Variants in PITPNC1 observed in about 807,000 individuals in gnomAD.
PITPNC1 encodes cytoplasmic phosphatidylinositol transfer protein 1.
Under a neutral mutation model 44.7 loss-of-function variants are expected in PITPNC1, and 18 were observed. The ratio of observed to expected loss-of-function variants is 0.40; its 90% CI spans 0.28 to 0.60. The LOEUF is 0.60. Ranked by LOEUF, PITPNC1 falls within the 20% of genes least tolerant of loss-of-function variation. PITPNC1 has a pLI of 0.39. For missense variants in PITPNC1, 290 were observed against 418.4 expected, an observed-to-expected ratio of 0.69 and a Z score of 2.68; for synonymous variants, 141 against 149.6, an observed-to-expected ratio of 0.94 and a Z score of 0.42.
At chr17:67,575,025 A>G (rs2041119779) in intron 4 of PITPNC1, among the ~76,000 whole-genome samples, 1 of 151,980 alleles carries the variant, frequency 6.6e-6, no homozygotes, top group South Asian at 2.1e-4. Context: ...GCTAAAATTC[A>G]TGTGTTGGGC....
chr17:67,424,085 CAAAAAAAAAAAA>C (rs71139144), intron 1 of PITPNC1, among the ~76,000 whole-genome samples: 1 of 76,120 alleles, frequency 1.3e-5, no homozygotes, highest in African/African-American at 5.1e-5. Flanking sequence ...GAGACTGTCT[CAAAAAAAAAAAA>C]AAAAAAAAAA....
intron 1 of PITPNC1, among the ~76,000 whole-genome samples, chr17:67,499,703 T>C (rs762518659): frequency 6.6e-6 from 1 of 152,238 alleles, no homozygotes; most frequent in Non-Finnish European, 1.5e-5. Flanking sequence ...ACTGTACCTT[T>C]TCTGTGTTTA....
chr17:67,577,120 C>T (rs1204566387), intron 4 of PITPNC1, among the ~76,000 whole-genome samples: 1 of 151,244 alleles, frequency 6.6e-6, no homozygotes, highest in South Asian at 2.1e-4. Flanking sequence ...TTGCCTTTAC[C>T]AAAAAAATTT....
At chr17:67,504,950 C>T (rs140197768) in intron 1 of PITPNC1, among the ~76,000 whole-genome samples, 114 of 152,306 alleles carry the variant, frequency 7.5e-4, no homozygotes, top group African/African-American at 2.7e-3. Flanking sequence ...CATTTCTAAT[C>T]ATCTCAAATT....
chr17:67,466,609 A>T (rs756726894), intron 1 of PITPNC1, among the ~76,000 whole-genome samples: 23 of 152,296 alleles, frequency 1.5e-4, no homozygotes, highest in Middle Eastern at 3.4e-3. Flanking sequence ...CCCACTTCAA[A>T]GTACCCCTCT....
chr17:67,402,865 C>T (rs1017143161), intron 1 of PITPNC1, among the ~76,000 whole-genome samples: 2 of 152,214 alleles, frequency 1.3e-5, no homozygotes, highest in Non-Finnish European at 2.9e-5. Flanking sequence ...CAGAGTTTCA[C>T]CATGTTGGCC....
chr17:67,575,674 A>C (rs2041131088), intron 4 of PITPNC1, among the ~76,000 whole-genome samples: 1 of 152,098 alleles, frequency 6.6e-6, no homozygotes, highest in Admixed American at 6.5e-5. Flanking sequence ...CAGGTTGAGC[A>C]TGCCTCAGCA....
chr17:67,401,791 C>T (rs1259206908), intron 1 of PITPNC1, among the ~76,000 whole-genome samples: 3 of 151,538 alleles, frequency 2.0e-5, no homozygotes, highest in South Asian at 2.1e-4. Flanking sequence ...TGCAGTTAGC[C>T]GGGATTGCGC....
intron 1 of PITPNC1, among the ~76,000 whole-genome samples, chr17:67,511,288 A>G (rs2040181469): frequency 6.6e-6 from 1 of 152,344 alleles, no homozygotes; most frequent in Middle Eastern, 3.4e-3. Context: ...GTTATTGCAT[A>G]TAATGTAGAC....
At chr17:67,462,794 C>T (rs11650381) in intron 1 of PITPNC1, among the ~76,000 whole-genome samples, 1 of 150,870 alleles carries the variant, frequency 6.6e-6, no homozygotes, top group Non-Finnish European at 1.5e-5. Flanking sequence ...CCTCCGCCTC[C>T]TGGGTTCAAG....
chr17:67,489,358 C>T (rs1250019663), intron 1 of PITPNC1, among the ~76,000 whole-genome samples: 1 of 152,142 alleles, frequency 6.6e-6, no homozygotes, highest in Non-Finnish European at 1.5e-5. Flanking sequence ...GATGAACCCC[C>T]AAAAGCACAG....
At chr17:67,477,762 G>A (rs955805675) in intron 1 of PITPNC1, among the ~76,000 whole-genome samples, 10 of 152,076 alleles carry the variant, frequency 6.6e-5, no homozygotes, top group Admixed American at 3.9e-4. Context: ...GGCCTCCATC[G>A]AGGGCCCTGG....
At chr17:67,576,974 A>G (rs1419379787) in intron 4 of PITPNC1, among the ~76,000 whole-genome samples, 1 of 152,238 alleles carries the variant, frequency 6.6e-6, no homozygotes, top group East Asian at 1.9e-4. Flanking sequence ...TGACTTATCC[A>G]AATTACATAT....
At chr17:67,490,945 A>G (rs1044160654) in intron 1 of PITPNC1, among the ~76,000 whole-genome samples, 1 of 152,240 alleles carries the variant, frequency 6.6e-6, no homozygotes, top group Admixed American at 6.5e-5. Flanking sequence ...AGGAATGTGA[A>G]TGGCTGAGGT....
intron 1 of PITPNC1, among the ~76,000 whole-genome samples, chr17:67,522,158 G>A (rs1477940647): frequency 6.6e-6 from 1 of 152,070 alleles, no homozygotes; most frequent in Admixed American, 6.6e-5. Context: ...ACAAAAATTA[G>A]CCGGGCGTGG....
chr17:67,525,276 C>G (rs1351774874), intron 1 of PITPNC1: 1 of 152,152 alleles, frequency 6.6e-6, no homozygotes, highest in Admixed American at 6.5e-5. Flanking sequence ...TGGAATAGAA[C>G]AACGGTCTGC....
chr17:67,468,971 C>T (rs1001981935), intron 1 of PITPNC1, among the ~76,000 whole-genome samples: 1 of 152,180 alleles, frequency 6.6e-6, no homozygotes, highest in Non-Finnish European at 1.5e-5. Flanking sequence ...TCAGGTGATT[C>T]GCCTGCCTCG....
At chr17:67,391,638 G>A (rs1172072157) in intron 1 of PITPNC1, among the ~76,000 whole-genome samples, 4 of 151,884 alleles carry the variant, frequency 2.6e-5, no homozygotes, top group Admixed American at 1.3e-4. Flanking sequence ...CCACCGCCAC[G>A]CCCGGCTAAT....
At chr17:67,421,912 A>G (rs1178329639) in intron 1 of PITPNC1, among the ~76,000 whole-genome samples, 2 of 152,228 alleles carry the variant, frequency 1.3e-5, no homozygotes, top group African/African-American at 4.8e-5. Context: ...AGGCAATGAG[A>G]GACCTTCCAG....
Sources: allele counts gnomAD v4.1 joint callset (sites outside exome capture counted in the v4.1 genomes callset), GRCh38; gene constraint gnomAD v4.1.1; transcripts MANE v1.5; gene names NCBI Gene and HGNC (gene_info 2026-07-23, HGNC 2026-07-21).